Variants in CAMK2B observed in about 807,000 individuals in gnomAD.
CAMK2B encodes the protein calcium/calmodulin dependent protein kinase II beta.
In CAMK2B, 27 loss-of-function variants were observed where a neutral mutation model predicts 93.7. That is an observed-to-expected ratio of 0.29 (90% confidence interval 0.21 to 0.40). The LOEUF (loss-of-function observed/expected upper bound fraction) is 0.40. Ranked by LOEUF, CAMK2B falls within the 10% of genes least tolerant of loss-of-function variation. The pLI is 1.00. For synonymous variants in CAMK2B, 374 were observed against 358.8 expected, an observed-to-expected ratio of 1.04 and a Z score of -0.48; for missense variants, 568 against 895.8, an observed-to-expected ratio of 0.63 and a Z score of 4.67.
At chr7:44,228,013 G>A (rs905168387) in intron 19 of CAMK2B, among the ~76,000 whole-genome samples, 2 of 151,720 alleles carry the variant, frequency 1.3e-5, no homozygotes, top group Admixed American at 6.6e-5. Flanking sequence ...TGCGTGGAGA[G>A]GAGGCTGCAG....
At chr7:44,227,717 G>C (rs188593956) in intron 19 of CAMK2B, among the ~76,000 whole-genome samples, 11 of 13,904 alleles carry the variant, frequency 7.9e-4, no homozygotes, top group African/African-American at 1.5e-3. Context: ...CAAGGTGGGT[G>C]TGGGGGACAG....
intron 2 of CAMK2B, among the ~76,000 whole-genome samples, chr7:44,281,769 C>T (rs951949047): frequency 2.0e-5 from 3 of 152,186 alleles, no homozygotes; most frequent in Admixed American, 2.0e-4. Flanking sequence ...GCCACTCCCT[C>T]CTCCTCCCAC....
In CAMK2B at chr7:44,228,475, G is replaced by T. The variant is rs537988814; in HGVS notation, c.1468+321C>A. 6.6e-5 allele frequency among the ~76,000 whole-genome samples: 10 copies of T among 152,226 alleles called. No homozygotes were observed. The South Asian group carries it at 1.0e-3, about 16-fold the overall frequency. Reference sequence around the variant, plus strand: ...AGTGATCAGCAGAGAGGGCCTAGGGGCATGGGGGGCCTCGGAGGGGCCAGG... The same window carrying T: ...AGTGATCAGCAGAGAGGGCCTAGGGTCATGGGGGGCCTCGGAGGGGCCAGG... On this transcript the variant is annotated intron_variant, in intron 19 of 23. Coordinates refer to ENST00000395749, the MANE Select transcript of CAMK2B (RefSeq NM_001220.5).
rs550675093 is a variant in CAMK2B, at chr7:44,286,108, C to A, written c.66-1883G>T. On this transcript the variant is annotated intron_variant, in intron 1 of 23. Coordinates refer to ENST00000395749, the MANE Select transcript of CAMK2B (RefSeq NM_001220.5). This position sits in a 1 kb window ranked among gnomAD's most constrained non-coding sequence, Gnocchi z 4.0. ...TCAATCCTGGTTAGACGGGGTGACA[C>A]AGCTCTCTGAGCCTCAGTTTCCCCA... Among the ~76,000 whole-genome samples, 5 of 152,142 alleles carry A rather than the reference C, an allele frequency of 3.3e-5. No homozygotes were observed. The South Asian group carries it at 1.0e-3, about 32-fold the overall frequency.
intron 1 of CAMK2B, among the ~76,000 whole-genome samples, chr7:44,309,003 G>A (rs1466855132): frequency 6.6e-6 from 1 of 152,224 alleles, no homozygotes; most frequent in Admixed American, 6.5e-5. Context: ...CTGTCAGGGG[G>A]GTTGTGTCCT....
intron 23 of CAMK2B, 48 bp from the exon 24 acceptor site, chr7:44,219,570 C>T (rs191518140): frequency 1.3e-5 from 2 of 156,218 alleles, no homozygotes; most frequent in Non-Finnish European, 2.8e-5. Flanking sequence ...CCTCTCCCAT[C>T]CACCCCCAGG....
At chr7:44,269,881 G>A (rs1409409385) in intron 2 of CAMK2B, among the ~76,000 whole-genome samples, 16 of 152,162 alleles carry the variant, frequency 1.1e-4, no homozygotes, top group African/African-American at 3.9e-4. Flanking sequence ...TCTGAGGGCT[G>A]AGGGGTGGGG....
upstream of CAMK2B, chr7:44,325,875 C>T (rs115850463): frequency 0.064 from 9,264 of 144,568 alleles, 459 homozygotes; most frequent in African/African-American, 0.14. Flanking sequence ...CCCCGCACCC[C>T]ACACACACAC....
chr7:44,283,539 G>A (rs1784296828), intron 2 of CAMK2B, among the ~76,000 whole-genome samples: 1 of 152,238 alleles, frequency 6.6e-6, no homozygotes, highest in African/African-American at 2.4e-5. Context: ...TCCCAGGACA[G>A]GCGGAGTGCC....
intron 1 of CAMK2B, among the ~76,000 whole-genome samples, chr7:44,290,006 A>G (rs1024774873): frequency 6.6e-6 from 1 of 152,204 alleles, no homozygotes; most frequent in Non-Finnish European, 1.5e-5. Context: ...TGCCTGCATC[A>G]GTCCTGAGCC....
In CAMK2B at chr7:44,271,380, G is replaced by A. The variant is rs1442275847; in HGVS notation, c.161-8316C>T. Among the ~76,000 whole-genome samples the A allele has an allele frequency of 2.0e-5, 3 of 152,236 alleles. No homozygotes were observed. The highest frequency in any genetic ancestry group is 1.9e-4 in the East Asian group (1 of 5,204). Reference sequence around the variant, plus strand: ...GTGACAGAGTACTTGGGAGCCAAGCGCAGCCCTGTGTGGCACTGAGCAGCT... The same window carrying A: ...GTGACAGAGTACTTGGGAGCCAAGCACAGCCCTGTGTGGCACTGAGCAGCT... On this transcript the variant is annotated intron_variant, in intron 2 of 23. Coordinates refer to ENST00000395749, the MANE Select transcript of CAMK2B (RefSeq NM_001220.5). This position sits in a 1 kb window ranked among gnomAD's most constrained non-coding sequence, Gnocchi z 4.2.
At position 44,220,825 on chromosome 7, in the gene CAMK2B, C is replaced by T. The variant is rs2128862080; in HGVS notation, c.1673+1G>A. On this transcript the variant is annotated splice_donor_variant, in intron 21 of 23. Transcript: ENST00000395749. LOFTEE classifies it high-confidence loss of function. ...GCCCCCCCCCAGCCCCAGGGACTCA[C>T]GCGTAGGCCTCAAAGTCACCGTTGT... 1.3e-6 allele frequency: 2 copies of T among 1,565,758 alleles called. No individual in the cohort carries two copies. Among genetic ancestry groups the T allele is most frequent in the Non-Finnish European group, 1.7e-6 (2 of 1,154,350 alleles).
At chr7:44,321,673 C>T (rs752693773) in intron 1 of CAMK2B, among the ~76,000 whole-genome samples, 2 of 152,198 alleles carry the variant, frequency 1.3e-5, no homozygotes, top group Non-Finnish European at 2.9e-5. Flanking sequence ...CCCATGAACC[C>T]CTGAAATGAA....
chr7:44,307,149 AGAG>A, intron 1 of CAMK2B, among the ~76,000 whole-genome samples: 1 of 127,848 alleles, frequency 7.8e-6, no homozygotes, highest in Non-Finnish European at 1.7e-5. Flanking sequence ...GGGTGTGAGC[AGAG>A]GGAGGAGGGT....
chr7:44,244,790 C>G (rs532921043), intron 6 of CAMK2B: 4 of 339,786 alleles, frequency 1.2e-5, no homozygotes, highest in Middle Eastern at 1.0e-3. Flanking sequence ...AGAGCTTCCT[C>G]GAAAGCTCCA....
intron 4 of CAMK2B, among the ~76,000 whole-genome samples, chr7:44,257,208 T>C (rs1027180118): frequency 6.6e-6 from 1 of 152,148 alleles, no homozygotes; most frequent in Non-Finnish European, 1.5e-5. Context: ...CTGAGGGCAA[T>C]GCCAGCCAAC....
rs1296093911 is a variant in CAMK2B, at chr7:44,243,237, G to A, written c.601+13C>T. ...CGAGGCCCTGCCCCGCACCAACTCA[G>A]GCCAGGCCTCACCACATGCCCAGAT... On this transcript the variant is annotated intron_variant, in intron 8 of 23. Coordinates refer to ENST00000395749, the MANE Select transcript of CAMK2B (RefSeq NM_001220.5). The A allele has an allele frequency of 2.5e-6, 4 of 1,609,648 alleles. No homozygotes were observed. The highest frequency in any genetic ancestry group is 3.4e-6 in the Non-Finnish European group (4 of 1,176,192).
chr7:44,316,792 G>C (rs897905701), intron 1 of CAMK2B, among the ~76,000 whole-genome samples: 11 of 152,246 alleles, frequency 7.2e-5, no homozygotes, highest in Non-Finnish European at 5.9e-5. Context: ...TATCTAACTT[G>C]AGGGCACATA....
Position 44,240,696 on chromosome 7 carries a change from G to C in CAMK2B, c.946+11C>G. 6.2e-7 allele frequency: 1 copy of C among 1,613,858 alleles called. No individual in the cohort carries two copies. The highest frequency in any genetic ancestry group is 1.3e-5 in the African/African-American group (1 of 75,062). ...GGGCAGCGCCTGTCTCCCTGGAGAA[G>C]AAAGGCTCACCTGAGAAATTCCGTG... On this transcript the variant is annotated intron_variant, in intron 12 of 23. Transcript: ENST00000395749.
Sources: gnomAD v4.1 joint callset for allele counts (sites outside exome capture counted in the v4.1 genomes callset) on GRCh38, gnomAD v4.1.1 for gene constraint, Gnocchi (gnomAD v3.1) non-coding constraint, MANE v1.5 for transcripts, NCBI Gene and HGNC (gene_info 2026-07-23, HGNC 2026-07-21) for gene names.